Variants in TEX2 observed in about 807,000 individuals in gnomAD.
The protein encoded by TEX2 is testis-expressed protein 2.
In TEX2, 53 loss-of-function variants were observed where a neutral mutation model predicts 106.9. The ratio of observed to expected loss-of-function variants is 0.50; its 90% CI spans 0.40 to 0.62. The LOEUF (loss-of-function observed/expected upper bound fraction) is 0.62, where lower values mean the gene tolerates loss of function less well. Ranked by LOEUF, TEX2 falls within the 20% of genes least tolerant of loss-of-function variation. The probability of loss-of-function intolerance (pLI) is 0.00; values close to 1 mark genes in which losing one functional copy is unlikely to be tolerated. For synonymous variants in TEX2, 523 were observed against 534.8 expected, an observed-to-expected ratio of 0.98 and a Z score of 0.30; for missense variants, 1,207 against 1,379.0, an observed-to-expected ratio of 0.88 and a Z score of 1.98.
At chr17:64,179,652 G>C (rs2031768481) in intron 5 of TEX2, among the ~76,000 whole-genome samples, 2 of 152,112 alleles carry the variant, frequency 1.3e-5, no homozygotes, top group African/African-American at 4.8e-5. Context: ...CTTGCTGGGG[G>C]CCTAGGGTTC....
In TEX2 at chr17:64,154,846, C is replaced by T; in HGVS notation, c.2926G>A (p.Glu976Lys). 6.2e-7 allele frequency: 1 copy of T among 1,600,442 alleles called. No individual in the cohort carries two copies. The highest frequency in any genetic ancestry group is 8.5e-7 in the Non-Finnish European group (1 of 1,173,608). Residue 976 changes from glutamate (E) to lysine (K), a missense_variant, in exon 9 of 12, where the codon GAA (glutamate) becomes AAA (lysine). Glu to Lys is a moderately conservative substitution (Grantham distance 56). Around this residue, in one of 3 missense-constraint regions of TEX2, gnomAD observed 1,067 missense variants for 1,193.6 expected, o/e 0.89. Coordinates refer to ENST00000584379, the MANE Select transcript of TEX2 (RefSeq NM_001288732.2). ...CAGAAGCACTGATCCACTCACCCTT[C>T]AGCCCCTGGGAGGAGCTGTTTGTCT... is the stretch of plus-strand genomic sequence containing the variant. ...GGDKQLLPGAEGYVGGHRTSK... is the reference protein window; with the variant it reads ...GGDKQLLPGAKGYVGGHRTSK...
intron 2 of TEX2, among the ~76,000 whole-genome samples, chr17:64,204,749 T>C (rs2032777064): frequency 6.6e-6 from 1 of 152,180 alleles, no homozygotes; most frequent in Admixed American, 6.5e-5. Flanking sequence ...TATTGAACAA[T>C]AATTACAATA....
chr17:64,192,747 CA>C (rs1297077764), intron 4 of TEX2, among the ~76,000 whole-genome samples: 8 of 152,154 alleles, frequency 5.3e-5, no homozygotes, highest in African/African-American at 1.9e-4. Flanking sequence ...GATTATGTTC[CA>C]GGGGAAGGAA....
At chr17:64,186,231 A>G (rs961277410) in intron 5 of TEX2, among the ~76,000 whole-genome samples, 6 of 152,188 alleles carry the variant, frequency 3.9e-5, no homozygotes, top group Non-Finnish European at 8.8e-5. Flanking sequence ...CAGACAGCTG[A>G]CAGCCTCGCA....
intron 1 of TEX2, among the ~76,000 whole-genome samples, chr17:64,226,792 G>C (rs1476622594): frequency 6.6e-6 from 1 of 152,100 alleles, no homozygotes; most frequent in Non-Finnish European, 1.5e-5. Flanking sequence ...CAAAAACTTT[G>C]CTGAAAACTG....
rs143658356 is a variant in TEX2, at chr17:64,152,932, G to T, written c.3140+13C>A. On this transcript the variant is annotated intron_variant, in intron 10 of 11. Coordinates refer to ENST00000584379, the MANE Select transcript of TEX2 (RefSeq NM_001288732.2). ...GAGGAATCACTTATTGTCCCTGAGG[G>T]CCCTCTACGCACCATACTCGGTCAG... 4.3e-4 allele frequency: 696 copies of T among 1,611,820 alleles called. 12 individuals are homozygous for T. The East Asian group carries it at 0.013, about 30-fold the overall frequency.
At position 64,179,539 on chromosome 17, in the gene TEX2, A is replaced by T. The variant is rs571879031; in HGVS notation, c.2425-2068T>A. Among the ~76,000 whole-genome samples the T allele has an allele frequency of 5.3e-5, 8 of 152,262 alleles. No individual in the cohort carries two copies. The South Asian group carries it at 6.2e-4, about 12-fold the overall frequency. ...GTCCGTGCCACCTTTAAGAGCTGTA[A>T]CACTCACCATGAAGGTCCGAGACTT... On this transcript the variant is annotated intron_variant, in intron 5 of 11. Transcript: ENST00000584379.
Position 64,194,930 on chromosome 17 carries a change from T to G in TEX2, c.1810A>C (p.Ile604Leu). ...GAGAGGTCATAGATTTTCTGGCTGA[T>G]GTAGGTGACCTCTGGCTTGGGTTCA... ...YNEPKPEVTY[I>L]SQKIYDLSDS... is the part of the protein sequence containing the mutation. Residue 604 changes from isoleucine to leucine, a missense_variant, in exon 3 of 12, where the codon ATC becomes CTC. Ile to Leu is a conservative substitution (Grantham distance 5, BLOSUM62 2). This residue lies in a region of TEX2 where 1,067 missense variants were observed against 1,193.6 expected (regional missense o/e 0.89). Coordinates refer to ENST00000584379, the MANE Select transcript of TEX2 (RefSeq NM_001288732.2). The G allele has an allele frequency of 6.2e-7, 1 of 1,614,204 alleles. No homozygotes were observed. Among genetic ancestry groups the G allele is most frequent in the Non-Finnish European group, 8.5e-7 (1 of 1,180,008 alleles).
intron 6 of TEX2, among the ~76,000 whole-genome samples, chr17:64,177,063 A>T (rs938789391): frequency 6.6e-6 from 1 of 152,226 alleles, no homozygotes; most frequent in African/African-American, 2.4e-5. Flanking sequence ...TTCCCAAACT[A>T]AATTCTGGAT....
At chr17:64,233,994 C>T (rs1406403379) in intron 1 of TEX2, among the ~76,000 whole-genome samples, 1 of 152,210 alleles carries the variant, frequency 6.6e-6, no homozygotes, top group Non-Finnish European at 1.5e-5. Flanking sequence ...CCCGCCAGGG[C>T]CTCCATGGAC....
chr17:64,184,044 G>T (rs1183991246), intron 5 of TEX2, among the ~76,000 whole-genome samples: 1 of 152,140 alleles, frequency 6.6e-6, no homozygotes, highest in East Asian at 1.9e-4. Flanking sequence ...CTTTTCATGT[G>T]CTTGCTTATT....
intron 1 of TEX2, among the ~76,000 whole-genome samples, chr17:64,248,029 C>A (rs1412033428): frequency 6.6e-6 from 1 of 152,214 alleles, no homozygotes; most frequent in Non-Finnish European, 1.5e-5. Flanking sequence ...TGAAATCTCA[C>A]TCCAGGAAGA....
chr17:64,167,474 G>A (rs1201010070), intron 7 of TEX2, among the ~76,000 whole-genome samples: 1 of 151,982 alleles, frequency 6.6e-6, no homozygotes, highest in Non-Finnish European at 1.5e-5. Flanking sequence ...TGCCTTTTTT[G>A]TATTGACTCA....
At chr17:64,196,937 G>A (rs1298339523) in intron 2 of TEX2, among the ~76,000 whole-genome samples, 1 of 146,342 alleles carries the variant, frequency 6.8e-6, no homozygotes, top group Non-Finnish European at 1.5e-5. Flanking sequence ...ACTGGCAACA[G>A]TGGGAGTTGC....
intron 1 of TEX2, among the ~76,000 whole-genome samples, chr17:64,243,238 T>A (rs1404560601): frequency 7.9e-5 from 12 of 152,108 alleles, no homozygotes; most frequent in African/African-American, 2.7e-4. Flanking sequence ...AAAATTTTTT[T>A]AAAGATAAAG....
At chr17:64,194,146 G>A (rs1356622593) in intron 3 of TEX2, among the ~76,000 whole-genome samples, 1 of 152,088 alleles carries the variant, frequency 6.6e-6, no homozygotes, top group Admixed American at 6.5e-5. Context: ...ATTTTCAGGT[G>A]GCAGTAGCAC....
chr17:64,160,503 C>T (rs985833367), intron 8 of TEX2, among the ~76,000 whole-genome samples: 27 of 152,088 alleles, frequency 1.8e-4, no homozygotes, highest in African/African-American at 5.8e-4. Context: ...TTTTATTGCT[C>T]GGATGAGTCT....
intron 1 of TEX2, among the ~76,000 whole-genome samples, chr17:64,261,530 T>TGTG (rs2034286948): frequency 6.6e-6 from 1 of 152,248 alleles, no homozygotes; most frequent in African/African-American, 2.4e-5. Context: ...TTTTCCTCCC[T>TGTG]CCTCGTCTGT....
At chr17:64,151,894 ATTATGGGTT>A (rs1208202315) in intron 10 of TEX2, among the ~76,000 whole-genome samples, 1 of 152,178 alleles carries the variant, frequency 6.6e-6, no homozygotes, top group Non-Finnish European at 1.5e-5. Flanking sequence ...GGATGGTGAG[ATTATGGGTT>A]TTTATTTATT....
Sources: gnomAD v4.1 joint callset for allele counts (sites outside exome capture counted in the v4.1 genomes callset) on GRCh38, gnomAD v4.1.1 for gene constraint, gnomAD v4.1.1 regional missense constraint, MANE v1.5 for transcripts, NCBI Gene and HGNC (gene_info 2026-07-23, HGNC 2026-07-21) for gene names.